The following ASH1L variants were observed in gnomAD, a reference collection of about 807,000 sequenced individuals.
ASH1L encodes the protein histone-lysine N-methyltransferase ASH1L.
In ASH1L, 23 loss-of-function variants were observed where a neutral mutation model predicts 269.0. That is an observed-to-expected ratio of 0.09 (90% CI 0.06 to 0.12). The LOEUF is 0.12. Ranked by LOEUF, ASH1L falls within the 10% of genes least tolerant of loss-of-function variation. ASH1L has a pLI of 1.00. For missense variants in ASH1L, 2,912 were observed against 3,567.8 expected, an observed-to-expected ratio of 0.82 and a Z score of 4.68; for synonymous variants, 1,187 against 1,253.5, an observed-to-expected ratio of 0.95 and a Z score of 1.12.
At chr1:155,526,486 A>G (rs566160577) in intron 1 of ASH1L, among the ~76,000 whole-genome samples, 5 of 152,336 alleles carry the variant, frequency 3.3e-5, no homozygotes, top group South Asian at 4.1e-4. Context: ...AAGAAAAACA[A>G]TAACACTCAA....
intron 1 of ASH1L, 193 bp downstream of exon 1, chr1:155,561,960 C>T: frequency 1.9e-6 from 1 of 519,804 alleles, no homozygotes. Context: ...CTGTCAGGGA[C>T]ACCCCTTCAC....
intron 2 of ASH1L, among the ~76,000 whole-genome samples, chr1:155,484,518 C>T (rs192874478): frequency 4.0e-5 from 6 of 151,828 alleles, no homozygotes; most frequent in African/African-American, 1.5e-4. Context: ...TTCATCTATT[C>T]AATATATAGA....
At chr1:155,378,630 A>C in intron 8 of ASH1L, 82 bp from the exon 9 acceptor site, 1 of 1,106,790 alleles carries the variant, frequency 9.0e-7, no homozygotes, top group Non-Finnish European at 1.3e-6. Flanking sequence ...AAATACAGGA[A>C]ATTTTCTATG....
intron 7 of ASH1L, among the ~76,000 whole-genome samples, chr1:155,382,748 C>T (rs915766967): frequency 6.6e-6 from 1 of 150,964 alleles, no homozygotes; most frequent in African/African-American, 2.4e-5. Context: ...TTTTTCAAGA[C>T]AGTGTCTCGC....
chr1:155,356,435 C>A (rs575609202), intron 15 of ASH1L, among the ~76,000 whole-genome samples: 4 of 151,860 alleles, frequency 2.6e-5, no homozygotes, highest in African/African-American at 7.2e-5. Context: ...GAGATCGAGA[C>A]CATCCTGGCT....
chr1:155,483,433 T>C (rs1666091273), intron 2 of ASH1L, among the ~76,000 whole-genome samples: 1 of 152,070 alleles, frequency 6.6e-6, no homozygotes, highest in South Asian at 2.1e-4. Context: ...CCATACCAAA[T>C]ATCATTTTTC....
In ASH1L at chr1:155,478,685, G is replaced by A. The variant is rs775167330; in HGVS notation, c.4185C>T (p.Pro1395=). 4 of 1,613,996 alleles carry A rather than the reference G, an allele frequency of 2.5e-6. No homozygotes were observed. Among genetic ancestry groups the A allele is most frequent in the South Asian group, 2.2e-5 (2 of 91,062 alleles). The part of the protein sequence containing the change: ...PYSPSPLTAA[P]IGLGYYGRYP... ...ACCTTCCATAGTAACCTAATCCTAT[G>A]GGAGCAGCTGTAAGGGGTGAAGGAG... The change falls in exon 3 of 28, where the codon CCC becomes CCT. Residue 1395 remains proline (P), a synonymous_variant. Coordinates refer to ENST00000392403, the MANE Select transcript of ASH1L (RefSeq NM_018489.3). This position sits in a 1 kb window ranked among gnomAD's most constrained non-coding sequence, Gnocchi z 4.6.
chr1:155,407,754 T>C (rs1659416449), intron 6 of ASH1L, among the ~76,000 whole-genome samples: 1 of 151,926 alleles, frequency 6.6e-6, no homozygotes, highest in Admixed American at 6.6e-5. Flanking sequence ...GAATTATATA[T>C]ACTACAACAT....
intron 12 of ASH1L, among the ~76,000 whole-genome samples, chr1:155,360,862 C>G (rs1654880100): frequency 6.6e-6 from 1 of 152,120 alleles, no homozygotes; most frequent in Non-Finnish European, 1.5e-5. Context: ...ACTTTTCCTG[C>G]TTGGTATTCA....
intron 5 of ASH1L, chr1:155,434,322 C>G (rs1661897688): frequency 6.4e-7 from 1 of 1,554,008 alleles, no homozygotes; most frequent in Non-Finnish European, 8.7e-7. Flanking sequence ...GAAAGAGAAC[C>G]TGGAGTTTGT....
chr1:155,497,797 G>A lies in ASH1L; in HGVS notation c.421-15348C>T, dbSNP rs1667250491. On this transcript the variant is annotated intron_variant, in intron 2 of 27. Transcript: ENST00000392403. ...GGAGTCTCACTCTGTCGCTCAGGCT[G>A]GAAGTGCCGTGGCACGATCTCGGCT... is the stretch of plus-strand genomic sequence containing the variant. Among the ~76,000 whole-genome samples the A allele has an allele frequency of 2.0e-5, 3 of 150,050 alleles. No individual in the cohort carries two copies. The South Asian group carries it at 6.3e-4, about 32-fold the overall frequency.
rs774080483 is a variant in ASH1L at position 155,481,335 on chromosome 1, C to A, written c.1535G>T (p.Gly512Val). The change falls in exon 3 of 28, where the codon GGA becomes GTA. Residue 512 changes from glycine to valine, a missense_variant. Gly to Val is a moderately radical substitution (Grantham distance 109). Transcript: ENST00000392403. ...TTCATGCTTTGAGGTTTCATAAGATCCCTTTTCACTGGATGAGAAACTGTC... is the reference window on the plus strand; with the variant it reads ...TTCATGCTTTGAGGTTTCATAAGATACCTTTTCACTGGATGAGAAACTGTC... ...QQDSFSSSEK[G>V]SYETSKHEKQ... The A allele has an allele frequency of 5.0e-6, 8 of 1,614,074 alleles. No homozygotes were observed. The highest frequency in any genetic ancestry group is 6.8e-6 in the Non-Finnish European group (8 of 1,179,980).
intron 17 of ASH1L, among the ~76,000 whole-genome samples, chr1:155,352,356 T>A (rs148991117): frequency 6.9e-6 from 1 of 145,802 alleles, no homozygotes; most frequent in Non-Finnish European, 1.5e-5. Context: ...ATTTTGGGAA[T>A]GTAAATGGAA....
At chr1:155,384,955 C>T (rs1473384440) in intron 7 of ASH1L, among the ~76,000 whole-genome samples, 2 of 151,670 alleles carry the variant, frequency 1.3e-5, no homozygotes, top group East Asian at 3.9e-4. Flanking sequence ...GTTTTTAATT[C>T]TATTTTCTAT....
Position 155,499,553 on chromosome 1 carries a change from G to T in ASH1L, c.421-17104C>A, listed in dbSNP as rs568740886. 4.6e-5 allele frequency among the ~76,000 whole-genome samples: 7 copies of T among 152,262 alleles called. No homozygotes were observed. The South Asian group carries it at 1.5e-3, about 32-fold the overall frequency. On this transcript the variant is annotated intron_variant, in intron 2 of 27. Transcript: ENST00000392403. ...TTCCTATTAATGAATTTTCATAAAAGTTCCAGGTTTTGTCATCTTATCATA... is the reference window on the plus strand; with the variant it reads ...TTCCTATTAATGAATTTTCATAAAATTTCCAGGTTTTGTCATCTTATCATA...
chr1:155,375,913 C>T (rs528271638), intron 10 of ASH1L, among the ~76,000 whole-genome samples: 11 of 151,998 alleles, frequency 7.2e-5, no homozygotes, highest in Admixed American at 2.0e-4. Flanking sequence ...GGCTAAGTAT[C>T]GAGATCCCGT....
In ASH1L at chr1:155,335,663, T is replaced by G. The variant is rs968643920; in HGVS notation, c.*1997A>C. 1.3e-5 allele frequency: 2 copies of G among 152,718 alleles called. No homozygotes were observed. Among genetic ancestry groups the G allele is most frequent in the African/African-American group, 4.8e-5 (2 of 41,432 alleles). The allele number at this position is 152,718 out of a possible 1,614,324, so 9.5% of individuals were successfully genotyped here. On this transcript the variant is annotated 3_prime_UTR_variant, in exon 28 of 28. Transcript: ENST00000392403. ...TGCACTTACCTAACATTTGATTGTC[T>G]AAAAAACATTTCAGTTTTTTTTTAG...
At chr1:155,540,924 CAT>C (rs1430802053) in intron 1 of ASH1L, among the ~76,000 whole-genome samples, 3 of 152,108 alleles carry the variant, frequency 2.0e-5, no homozygotes, top group Admixed American at 2.0e-4. Flanking sequence ...AGCATCTTTC[CAT>C]ATGACTACTT....
chr1:155,513,556 A>G (rs369227588), intron 2 of ASH1L, among the ~76,000 whole-genome samples: 4 of 147,714 alleles, frequency 2.7e-5, no homozygotes, highest in Admixed American at 2.0e-4. Context: ...GGGCAACAGG[A>G]GTGAGATCCT....
Sources: allele counts gnomAD v4.1 joint callset (sites outside exome capture counted in the v4.1 genomes callset), GRCh38; gene constraint gnomAD v4.1.1; non-coding constraint Gnocchi (gnomAD v3.1); transcripts MANE v1.5; gene names NCBI Gene and HGNC (gene_info 2026-07-23, HGNC 2026-07-21).